Variants in RALGAPA2 observed in about 807,000 individuals in gnomAD.
RALGAPA2 encodes the protein Ral GTPase activating protein catalytic subunit alpha 2, also known as ral GTPase-activating protein subunit alpha-2.
RALGAPA2 carries 139 observed loss-of-function variants against 230.4 expected under a neutral mutation model. The ratio of observed to expected loss-of-function variants is 0.60; its 90% confidence interval spans 0.53 to 0.69. RALGAPA2 has a LOEUF of 0.69. Ranked by LOEUF, RALGAPA2 falls within the 30% of genes least tolerant of loss-of-function variation. The probability of loss-of-function intolerance (pLI) is 0.00; values close to 1 mark genes in which losing one functional copy is unlikely to be tolerated. For synonymous variants in RALGAPA2, 847 were observed against 837.8 expected (o/e 1.01, Z -0.19); for missense variants, 2,163 against 2,276.0 (o/e 0.95, Z 1.01).
At chr20:20,650,492 TA>T (rs2146587246) in intron 4 of RALGAPA2, among the ~76,000 whole-genome samples, 1 of 152,334 alleles carries the variant, frequency 6.6e-6, no homozygotes, top group South Asian at 2.1e-4. Context: ...CAGTGGTGTA[TA>T]ACTACAACTT....
intron 37 of RALGAPA2, among the ~76,000 whole-genome samples, chr20:20,421,486 C>T (rs1413092642): frequency 2.6e-5 from 4 of 152,166 alleles, no homozygotes; most frequent in East Asian, 1.9e-4. Flanking sequence ...GCCTGACCAA[C>T]GTGGAGAAAC....
At chr20:20,408,749 A>G (rs535441147) in intron 38 of RALGAPA2, among the ~76,000 whole-genome samples, 9 of 148,170 alleles carry the variant, frequency 6.1e-5, no homozygotes, top group Non-Finnish European at 1.2e-4. Context: ...TGTGAGAGAG[A>G]AATGTATATG....
At position 20,622,309 on chromosome 20, in the gene RALGAPA2, G is replaced by A. The variant is rs185871850; in HGVS notation, c.1234-1679C>T. On this transcript the variant is annotated intron_variant, in intron 10 of 39. Coordinates refer to ENST00000202677, the MANE Select transcript of RALGAPA2 (RefSeq NM_020343.4). Reference sequence around the variant, plus strand: ...GATGGGGGAAAGAAACAATATTTGAGGAAAGAGTGGCTGAGAATTTAGCCA... The same window carrying A: ...GATGGGGGAAAGAAACAATATTTGAAGAAAGAGTGGCTGAGAATTTAGCCA... Among the ~76,000 whole-genome samples, 16 of 152,284 alleles carry A rather than the reference G, an allele frequency of 1.1e-4. No homozygotes were observed. In the East Asian group the frequency reaches 2.7e-3, roughly 26 times the overall value.
chr20:20,683,170 G>A (rs913824191), intron 1 of RALGAPA2, among the ~76,000 whole-genome samples: 3 of 152,108 alleles, frequency 2.0e-5, no homozygotes, highest in African/African-American at 7.2e-5. Flanking sequence ...CCTTTAACAC[G>A]TACGTGTTCC....
rs2064699737 is a variant in RALGAPA2, at chr20:20,573,026, C to A, written c.2750G>T (p.Gly917Val). ...TGGGTGCCAACCAGTGAGGCTCCCCCCGGCGATTATACTACAGTCATCTGT... is the reference window on the plus strand; with the variant it reads ...TGGGTGCCAACCAGTGAGGCTCCCCACGGCGATTATACTACAGTCATCTGT... ...CLTDDCSIIA[G>V]GSLTGWHPDS... The change falls in exon 21 of 40, where the codon GGG becomes GTG. Residue 917 changes from glycine (G) to valine (V), a missense_variant. Transcript: ENST00000202677. 1 of 1,610,358 alleles carries A rather than the reference C, an allele frequency of 6.2e-7. No individual in the cohort carries two copies. The highest frequency in any genetic ancestry group is 1.1e-5 in the South Asian group (1 of 90,146).
chr20:20,411,539 A>G (rs1316062170), intron 38 of RALGAPA2, among the ~76,000 whole-genome samples: 1 of 152,190 alleles, frequency 6.6e-6, no homozygotes, highest in African/African-American at 2.4e-5. Flanking sequence ...CTCCAGAGAG[A>G]CACGCACACT....
chr20:20,585,019 T>C, intron 18 of RALGAPA2, 64 bp from the exon 19 acceptor site: 1 of 1,022,284 alleles, frequency 9.8e-7, no homozygotes, highest in African/African-American at 1.6e-5. Flanking sequence ...AGACTTAAGT[T>C]TCTAGCCCAA....
At chr20:20,582,348 TTAAA>T (rs1453214248) in intron 20 of RALGAPA2, among the ~76,000 whole-genome samples, 1 of 152,164 alleles carries the variant, frequency 6.6e-6, no homozygotes, top group African/African-American at 2.4e-5. Context: ...AGGACAGAGA[TTAAA>T]TAACTAGCTC....
At chr20:20,426,513 G>A (rs2060385855) in intron 37 of RALGAPA2, among the ~76,000 whole-genome samples, 2 of 152,202 alleles carry the variant, frequency 1.3e-5, no homozygotes, top group African/African-American at 4.8e-5. Context: ...CTGGCTGAAG[G>A]GCACTGGGCT....
intron 38 of RALGAPA2, among the ~76,000 whole-genome samples, chr20:20,397,673 G>A (rs2059746085): frequency 6.6e-6 from 1 of 152,230 alleles, no homozygotes; most frequent in African/African-American, 2.4e-5. Flanking sequence ...TGCCAAGGTT[G>A]CCAAGGTTGG....
chr20:20,705,526 A>G (rs1179261341), intron 1 of RALGAPA2, among the ~76,000 whole-genome samples: 1 of 152,134 alleles, frequency 6.6e-6, no homozygotes, highest in Non-Finnish European at 1.5e-5. Flanking sequence ...ATTCAAGTAC[A>G]AGAATAGTTG....
intron 16 of RALGAPA2, among the ~76,000 whole-genome samples, chr20:20,594,700 C>G (rs545488568): frequency 9.7e-4 from 146 of 151,284 alleles, no homozygotes; most frequent in African/African-American, 2.3e-3. Flanking sequence ...GTGTAAGTTA[C>G]ACAATACCAT....
chr20:20,605,983 C>T (rs1286984528), intron 14 of RALGAPA2, among the ~76,000 whole-genome samples: 3 of 152,124 alleles, frequency 2.0e-5, no homozygotes, highest in African/African-American at 7.2e-5. Context: ...CACTCTGGAC[C>T]CCTTCCTCGG....
intron 23 of RALGAPA2, among the ~76,000 whole-genome samples, chr20:20,551,394 A>G (rs1034031811): frequency 2.0e-5 from 3 of 152,250 alleles, no homozygotes; most frequent in Non-Finnish European, 4.4e-5. Flanking sequence ...ATGTTGCAAT[A>G]TAGTGAACAG....
chr20:20,689,620 G>A (rs1454422813), intron 1 of RALGAPA2, among the ~76,000 whole-genome samples: 1 of 152,194 alleles, frequency 6.6e-6, no homozygotes, highest in Non-Finnish European at 1.5e-5. Flanking sequence ...CCAGCCTGGT[G>A]ACAGGGCGAG....
chr20:20,510,142 A>T (rs2062657802), intron 33 of RALGAPA2, among the ~76,000 whole-genome samples: 1 of 152,204 alleles, frequency 6.6e-6, no homozygotes, highest in South Asian at 2.1e-4. Context: ...ATGTTCATTC[A>T]GCAGGCTCTA....
chr20:20,552,578 T>G (rs2063959122), intron 23 of RALGAPA2, among the ~76,000 whole-genome samples: 1 of 152,186 alleles, frequency 6.6e-6, no homozygotes. Context: ...ATATGATTCA[T>G]TCTATACTTG....
In RALGAPA2 at chr20:20,396,975, C is replaced by T. The variant is rs80239288; in HGVS notation, c.5618-241G>A. Among the ~76,000 whole-genome samples the T allele has an allele frequency of 3.1e-3, 472 of 152,294 alleles. 3 individuals carry two copies. Among genetic ancestry groups the T allele is most frequent in the African/African-American group, 0.01 (416 of 41,562 alleles). Reference sequence around the variant, plus strand: ...GAGACATTAGAACTCCCAGGATCTACGCATGCAGACCTTGTCAGGATCTAT... The same window carrying T: ...GAGACATTAGAACTCCCAGGATCTATGCATGCAGACCTTGTCAGGATCTAT... On this transcript the variant is annotated intron_variant, in intron 38 of 39. Coordinates refer to ENST00000202677, the MANE Select transcript of RALGAPA2 (RefSeq NM_020343.4).
At chr20:20,635,943 A>AT (rs2066844610) in intron 8 of RALGAPA2, among the ~76,000 whole-genome samples, 1 of 152,254 alleles carries the variant, frequency 6.6e-6, no homozygotes, top group Non-Finnish European at 1.5e-5. Flanking sequence ...CACATACATT[A>AT]TACCTAATTT....
Sources: allele counts gnomAD v4.1 joint callset (sites outside exome capture counted in the v4.1 genomes callset), GRCh38; gene constraint gnomAD v4.1.1; transcripts MANE v1.5; gene names NCBI Gene and HGNC (gene_info 2026-07-23, HGNC 2026-07-21).